Variants in DUOX2 observed in about 807,000 individuals in gnomAD.
DUOX2 encodes the protein dual oxidase 2, also known as NADH/NADPH thyroid oxidase p138-tox.
Under a neutral mutation model 183.3 loss-of-function variants are expected in DUOX2, and 185 were observed. The observed-to-expected ratio is 1.01, with a 90% CI of 0.90 to 1.14. The LOEUF is 1.14. DUOX2 is among the 50% of genes most tolerant of loss of function. The pLI is 0.00. For missense variants in DUOX2, 1,999 were observed against 2,022.9 expected (o/e 0.99, Z 0.23); for synonymous variants, 788 against 812.4 (o/e 0.97, Z 0.51).
chr15:45,105,498 G>C, intron 18 of DUOX2, 145 bp downstream of exon 18: 1 of 951,918 alleles, frequency 1.1e-6, no homozygotes, highest in Admixed American at 1.9e-5. Flanking sequence ...GCTAAGTAAA[G>C]TGGCAATGCC....
chr15:45,109,556 A>G lies in DUOX2; in HGVS notation c.1202T>C (p.Leu401Ser). ...LLGMASQISE[L>S]EDNIVVEDLR... is the part of the protein sequence containing the mutation. ...ATCTTCAACCACTATGTTGTCCTCCAACTCCGAAATCTGGGAGGCCATTCC... is the reference window on the plus strand; with the variant it reads ...ATCTTCAACCACTATGTTGTCCTCCGACTCCGAAATCTGGGAGGCCATTCC... The change falls in exon 11 of 34, where the codon TTG becomes TCG. Residue 401 changes from leucine to serine, a missense_variant. This residue lies in a region of DUOX2 where 1,628 missense variants were observed against 1,608.6 expected (regional missense o/e 1.01). Transcript: ENST00000389039. 6.2e-7 allele frequency: 1 copy of G among 1,614,072 alleles called. No individual in the cohort carries two copies. Among genetic ancestry groups the G allele is most frequent in the Non-Finnish European group, 8.5e-7 (1 of 1,180,014 alleles).
rs372872023 is a variant in DUOX2, at chr15:45,100,828, G to A, written c.2932C>T (p.Gln978Ter). 6.2e-7 allele frequency: 1 copy of A among 1,610,936 alleles called. No individual in the cohort carries two copies. The highest frequency in any genetic ancestry group is 1.1e-5 in the South Asian group (1 of 90,998). Residue 978 changes from glutamine to a stop codon, truncating the protein, a stop_gained, in exon 23 of 34, where the codon CAG becomes TAG. Transcript: ENST00000389039. LOFTEE classifies it high-confidence loss of function. The stretch of plus-strand genomic sequence containing the variant: ...TCTGGGGCAGGGGGCCCCAGTCCCT[G>A]GGGGTGGGAGCTGAGAAAAAGAAAT... ...TRTPGERSHPQGLGPPAPEAP... is the reference protein window; with the variant it reads ...TRTPGERSHP
intron 30 of DUOX2, 107 bp downstream of exon 30, chr15:45,095,721 C>T (rs1893882961): frequency 3.2e-6 from 5 of 1,544,918 alleles, no homozygotes; most frequent in Non-Finnish European, 4.4e-6. Flanking sequence ...CGGTCCTCTC[C>T]CAGGCTGGCT....
intron 22 of DUOX2, 66 bp downstream of exon 22, chr15:45,101,139 T>TA: frequency 6.3e-6 from 9 of 1,439,756 alleles, no homozygotes; most frequent in Non-Finnish European, 8.7e-6. Flanking sequence ...CAGCCAGTCC[T>TA]ACTCCCTTCA....
intron 9 of DUOX2, 36 bp from the exon 10 acceptor site, chr15:45,110,016 T>G: frequency 6.2e-7 from 1 of 1,600,612 alleles, no homozygotes; most frequent in South Asian, 1.1e-5. Context: ...TGAGGGAATT[T>G]GGAGAAGAAT....
chr15:45,101,925 T>C lies in DUOX2; in HGVS notation c.2719A>G (p.Met907Val), dbSNP rs1484256311. The C allele has an allele frequency of 8.7e-6, 14 of 1,614,198 alleles. No individual in the cohort carries two copies. The highest frequency in any genetic ancestry group is 1.2e-5 in the Non-Finnish European group (14 of 1,180,038). Residue 907 changes from methionine (M) to valine (V), a missense_variant, in exon 21 of 34, where the codon ATG (methionine) becomes GTG (valine). By Grantham distance (21) the Met-to-Val change is conservative. This residue lies in a region of DUOX2 where 1,628 missense variants were observed against 1,608.6 expected (regional missense o/e 1.01). Transcript: ENST00000389039. Reference protein sequence around the residue: ...KAQLAEVVESMFRESGFQDKE... With the variant: ...KAQLAEVVESVFRESGFQDKE... ...TCCTGGAATCCCGACTCCCGGAACA[T>C]AGACTCCACCACCTCGGCCAGCTGG... is the stretch of plus-strand genomic sequence containing the variant.
chr15:45,095,992 C>T lies in DUOX2; in HGVS notation c.3916G>A (p.Ala1306Thr), dbSNP rs750364813. 45 of 1,613,622 alleles carry T rather than the reference C, an allele frequency of 2.8e-5. No homozygotes were observed. The highest frequency in any genetic ancestry group is 1.6e-4 in the Middle Eastern group (1 of 6,082). ...TCGGTGGTCCCCAGAGCCAGGCAGG[C>T]GATCCGCACCCACTGTCCTGACTTG... ...EYKSGQWVRI[A>T]CLALGTTEYH... is the part of the protein sequence containing the mutation. Residue 1306 changes from alanine (A) to threonine (T), a missense_variant, in exon 30 of 34, where the codon GCC (alanine) becomes ACC (threonine). Around this residue, in one of 3 missense-constraint regions of DUOX2, gnomAD observed 1,628 missense variants for 1,608.6 expected, o/e 1.01. Transcript: ENST00000389039.
In DUOX2 at chr15:45,108,773, C is replaced by T; in HGVS notation, c.1398+16G>A. ...GGAAAGCTTTAGCTGCCATTATTAT[C>T]ATTACTATTCCTGACCTGGGGGTCC... On this transcript the variant is annotated intron_variant, in intron 12 of 33. Coordinates refer to ENST00000389039, the MANE Select transcript of DUOX2 (RefSeq NM_001363711.2). The T allele has an allele frequency of 1.9e-6, 3 of 1,614,010 alleles. No individual in the cohort carries two copies. Among genetic ancestry groups the T allele is most frequent in the Non-Finnish European group, 2.5e-6 (3 of 1,179,894 alleles).
intron 30 of DUOX2, 40 bp downstream of exon 30, chr15:45,095,788 G>C: frequency 2.5e-6 from 4 of 1,584,742 alleles, no homozygotes; most frequent in Non-Finnish European, 3.5e-6. Flanking sequence ...TCCTCTGCCA[G>C]TGCCAGAGGC....
chr15:45,099,900 C>A lies in DUOX2; in HGVS notation c.3185-8G>T. 6.2e-7 allele frequency: 1 copy of A among 1,613,952 alleles called. No individual in the cohort carries two copies. The highest frequency in any genetic ancestry group is 8.5e-7 in the Non-Finnish European group (1 of 1,179,854). On this transcript the variant is annotated splice_polypyrimidine_tract_variant and splice_region_variant and intron_variant, in intron 24 of 33. Transcript: ENST00000389039. ...GCGAGGCAAAGCCATAGTCTGGGGC[C>A]GGAGTGAGGTTACATCAGCTTGGCA...
Position 45,094,701 on chromosome 15 carries a change from C to A in DUOX2, c.4396-10G>T. 3.1e-6 allele frequency: 5 copies of A among 1,613,866 alleles called. No homozygotes were observed. Among genetic ancestry groups the A allele is most frequent in the Non-Finnish European group, 4.2e-6 (5 of 1,179,924 alleles). On this transcript the variant is annotated splice_polypyrimidine_tract_variant and intron_variant, in intron 32 of 33. Coordinates refer to ENST00000389039, the MANE Select transcript of DUOX2 (RefSeq NM_001363711.2). ...GCCGCTCGCAGATGTACTGGGGGCACAGGGGCAGGTCAGACCAAAGACAGT... is the reference window on the plus strand; with the variant it reads ...GCCGCTCGCAGATGTACTGGGGGCAAAGGGGCAGGTCAGACCAAAGACAGT...
intron 22 of DUOX2, 77 bp from the exon 23 acceptor site, chr15:45,100,915 A>C: frequency 9.8e-7 from 1 of 1,016,654 alleles, no homozygotes; most frequent in South Asian, 1.4e-5. Context: ...AGCATGGGGT[A>C]GAGGTAGGGA....
intron 24 of DUOX2, 68 bp from the exon 25 acceptor site, chr15:45,099,960 A>G (rs1894030553): frequency 2.6e-5 from 42 of 1,611,844 alleles, no homozygotes; most frequent in Non-Finnish European, 3.4e-5. Flanking sequence ...GGGCTCTCCC[A>G]TGCAGACTCT....
intron 23 of DUOX2, 135 bp from the exon 24 acceptor site, chr15:45,100,363 C>G: frequency 2.6e-6 from 2 of 784,074 alleles, no homozygotes; most frequent in East Asian, 2.7e-5. Context: ...AAAAAGCAAT[C>G]TGGGGGCTTC....
In DUOX2 at chr15:45,106,942, A is replaced by G. The variant is rs1193533811; in HGVS notation, c.1721T>C (p.Leu574Pro). 8.9e-6 allele frequency: 14 copies of G among 1,579,298 alleles called. No homozygotes were observed. The highest frequency in any genetic ancestry group is 1.2e-5 in the Non-Finnish European group (14 of 1,162,888). Reference protein sequence around the residue: ...KGAPCPQPKQLTTDGLPQCAP... With the variant: ...KGAPCPQPKQPTTDGLPQCAP... ...ACACTGGGGCAGGCCGTCAGTTGTG[A>G]GCTGCTTAGGTTGAGGGCAGGGTGC... is the stretch of plus-strand genomic sequence containing the variant. The change falls in exon 15 of 34, where the codon CTC (leucine) becomes CCC (proline). Residue 574 changes from leucine (L) to proline (P), a missense_variant. This residue lies in a region of DUOX2 where 1,628 missense variants were observed against 1,608.6 expected (regional missense o/e 1.01). Transcript: ENST00000389039.
At chr15:45,097,587 A>G (rs371114046) in intron 28 of DUOX2, 27 bp downstream of exon 28, 5 of 1,614,080 alleles carry the variant, frequency 3.1e-6, no homozygotes, top group African/African-American at 2.7e-5. Flanking sequence ...TCCCTGCTCC[A>G]TGGGCTGGCC....
At chr15:45,099,340 G>T in intron 26 of DUOX2, 43 bp downstream of exon 26, 1 of 1,570,048 alleles carries the variant, frequency 6.4e-7, no homozygotes, top group Non-Finnish European at 8.8e-7. Context: ...ATACCCTTGG[G>T]CCCACCCTAT....
chr15:45,113,400 T>C lies in DUOX2; in HGVS notation c.12A>G (p.Ala4=), dbSNP rs908139817. ...CCAGGAGCATCAGTGCCTCTGGTCTTGCACGGAGCATGCCAACCCTGCAGC... is the reference window on the plus strand; with the variant it reads ...CCAGGAGCATCAGTGCCTCTGGTCTCGCACGGAGCATGCCAACCCTGCAGC... MLR[A]RPEALMLLGA... The change falls in exon 2 of 34, where the codon GCA becomes GCG. Residue 4 remains alanine (A), a synonymous_variant. Coordinates refer to ENST00000389039, the MANE Select transcript of DUOX2 (RefSeq NM_001363711.2). The C allele has an allele frequency of 1.3e-6, 2 of 1,564,122 alleles. No homozygotes were observed. The highest frequency in any genetic ancestry group is 1.7e-6 in the Non-Finnish European group (2 of 1,153,140).
chr15:45,093,282 G>A lies in DUOX2; in HGVS notation c.*868C>T, dbSNP rs772660034. ...GGTCACCCAACTCTTGTGGAAGAGG[G>A]GAATTGAGATCGAGTACTGAATATC... On this transcript the variant is annotated 3_prime_UTR_variant, in exon 34 of 34. Coordinates refer to ENST00000389039, the MANE Select transcript of DUOX2 (RefSeq NM_001363711.2). The A allele has an allele frequency of 6.6e-6, 1 of 152,222 alleles. No homozygotes were observed. The allele number at this position is 152,222 out of a possible 1,614,324, so 9.4% of individuals were successfully genotyped here.
Sources: allele counts gnomAD v4.1 joint callset, GRCh38; gene constraint gnomAD v4.1.1; regional missense constraint gnomAD v4.1.1; transcripts MANE v1.5; gene names NCBI Gene and HGNC (gene_info 2026-07-23, HGNC 2026-07-21).